The following SUMF1 variants were observed in gnomAD, a reference collection of about 807,000 sequenced individuals.
The protein encoded by SUMF1 is sulfatase modifying factor 1.
SUMF1 carries 48 observed loss-of-function variants against 47.6 expected under a neutral mutation model. The ratio of observed to expected loss-of-function variants is 1.01; its 90% CI spans 0.80 to 1.28. SUMF1 has a LOEUF of 1.28. SUMF1 is among the 50% of genes most tolerant of loss of function. SUMF1 has a pLI of 0.00. For missense variants in SUMF1, 571 were observed against 485.4 expected (o/e 1.18, Z -1.66); for synonymous variants, 230 against 192.1 (o/e 1.20, Z -1.63).
At chr3:4,374,888 A>G (rs793400) in intron 8 of SUMF1, among the ~76,000 whole-genome samples, 117,587 of 151,966 alleles carry the variant, frequency 0.77, 45,907 homozygotes, top group Non-Finnish European at 0.83. Flanking sequence ...TAGGCCGGGC[A>G]CAGTGGCTGA....
chr3:4,046,434 A>T (rs1378988077), intron 9 of SUMF1, among the ~76,000 whole-genome samples: 1 of 152,128 alleles, frequency 6.6e-6, no homozygotes, highest in Non-Finnish European at 1.5e-5. Context: ...ATAAAGATGG[A>T]AGTTTCCACT....
rs1269825850 is a variant in SUMF1, at chr3:4,313,970, G to C, written c.1014+62360C>G. ...CCCAGAATACTCACTTTCCTAGTTA[G>C]ATTTGTCTTAGTGACTGTTCTAGTT... On this transcript the variant is annotated intron_variant and NMD_transcript_variant, in intron 8 of 12. Coordinates refer to the SUMF1 transcript ENST00000448413. The C allele has an allele frequency of 5.5e-6, 5 of 917,402 alleles. No individual in the cohort carries two copies. The African/African-American group carries it at 8.4e-5, about 15-fold the overall frequency. The allele number at this position is 917,402 out of a possible 1,614,324, so 56.8% of individuals were successfully genotyped here. A position where few individuals can be genotyped will look rare whatever the true frequency, so the allele number is the denominator to read the frequency against.
In SUMF1 at chr3:4,467,180, C is replaced by G; in HGVS notation, c.66G>C (p.Leu22=). The change falls in exon 1 of 9, where the codon CTG becomes CTC. Residue 22 remains leucine (L), a synonymous_variant. Transcript: ENST00000272902. Reference sequence around the variant, plus strand: ...CTCCACACAGCAGCGAGAGCAGCAGCAGCAAGAGGACGAGACCCAGCTCAG... The same window carrying G: ...CTCCACACAGCAGCGAGAGCAGCAGGAGCAAGAGGACGAGACCCAGCTCAG... ...RCPELGLVLL[L]LLLSLLCGAA... 5 of 1,609,634 alleles carry G rather than the reference C, an allele frequency of 3.1e-6. No homozygotes were observed. Among genetic ancestry groups the G allele is most frequent in the Non-Finnish European group, 4.2e-6 (5 of 1,178,624 alleles).
intron 8 of SUMF1, among the ~76,000 whole-genome samples, chr3:4,234,503 G>A (rs61389820): frequency 6.6e-6 from 1 of 151,860 alleles, no homozygotes. Context: ...GCTCATTCAC[G>A]TATCCATTCA....
At chr3:4,308,858 T>C (rs555279123) in intron 8 of SUMF1, among the ~76,000 whole-genome samples, 16 of 152,312 alleles carry the variant, frequency 1.1e-4, no homozygotes, top group African/African-American at 3.6e-4. Flanking sequence ...TGCAAAATAT[T>C]TGAAGAGATT....
intron 8 of SUMF1, among the ~76,000 whole-genome samples, chr3:4,342,482 G>A (rs760075243): frequency 2.0e-5 from 3 of 152,182 alleles, no homozygotes; most frequent in Non-Finnish European, 4.4e-5. Context: ...TCAGTGAGCT[G>A]ATATCATGCC....
At chr3:4,305,721 C>A (rs1698165046) in intron 8 of SUMF1, among the ~76,000 whole-genome samples, 1 of 152,096 alleles carries the variant, frequency 6.6e-6, no homozygotes, top group Admixed American at 6.5e-5. Context: ...AATTAAAACT[C>A]CTCTGATGAG....
At chr3:4,142,662 T>C (rs928217806) in intron 8 of SUMF1, among the ~76,000 whole-genome samples, 1 of 151,988 alleles carries the variant, frequency 6.6e-6, no homozygotes, top group South Asian at 2.1e-4. Flanking sequence ...ATAGGTACCT[T>C]GGGAATCAGG....
intron 8 of SUMF1, among the ~76,000 whole-genome samples, chr3:4,372,284 G>C (rs1397239406): frequency 6.6e-6 from 1 of 152,120 alleles, no homozygotes. Context: ...CTGGGTCACA[G>C]AGTAAGATTC....
intron 9 of SUMF1, among the ~76,000 whole-genome samples, chr3:4,066,552 T>C (rs1034140168): frequency 6.6e-6 from 1 of 152,146 alleles, no homozygotes; most frequent in Non-Finnish European, 1.5e-5. Context: ...TCAAGGAAAC[T>C]GAAACTCACC....
At chr3:4,052,222 G>A (rs1429273900) in intron 9 of SUMF1, among the ~76,000 whole-genome samples, 5 of 152,074 alleles carry the variant, frequency 3.3e-5, no homozygotes, top group Non-Finnish European at 7.4e-5. Context: ...GGGCAAGGCA[G>A]CTCTCTTTGG....
intron 4 of SUMF1, among the ~76,000 whole-genome samples, chr3:4,418,931 G>A (rs1701806142): frequency 1.3e-5 from 2 of 152,154 alleles, no homozygotes; most frequent in Admixed American, 1.3e-4. Flanking sequence ...TTAAAAGTGG[G>A]CTACAAATTC....
chr3:4,439,247 G>A (rs184823346), intron 3 of SUMF1, among the ~76,000 whole-genome samples: 5 of 152,306 alleles, frequency 3.3e-5, no homozygotes, highest in Admixed American at 1.3e-4. Flanking sequence ...GTGAGGCCGG[G>A]TGTGGTGGCT....
intron 7 of SUMF1, among the ~76,000 whole-genome samples, chr3:4,386,254 A>T (rs1438352280): frequency 1.3e-5 from 2 of 152,196 alleles, no homozygotes; most frequent in African/African-American, 4.8e-5. Context: ...ATTCATGAGC[A>T]TTGTCTCTTC....
chr3:4,370,445 G>A (rs17040541), intron 8 of SUMF1, among the ~76,000 whole-genome samples: 2,350 of 152,212 alleles, frequency 0.015, 58 homozygotes, highest in African/African-American at 0.054. Context: ...ATAGGACTTA[G>A]GTTTTTGTTG....
At chr3:4,198,849 T>C (rs1176175293) in intron 8 of SUMF1, among the ~76,000 whole-genome samples, 1 of 151,798 alleles carries the variant, frequency 6.6e-6, no homozygotes, top group African/African-American at 2.4e-5. Context: ...AGAACCACCA[T>C]GAAGTATTCT....
At chr3:4,103,608 T>C (rs1693088457) in intron 8 of SUMF1, among the ~76,000 whole-genome samples, 1 of 152,260 alleles carries the variant, frequency 6.6e-6, no homozygotes, top group East Asian at 1.9e-4. Context: ...GCACAGTAAT[T>C]GCAGCTTGAC....
At chr3:4,195,869 A>C (rs1485271024) in intron 8 of SUMF1, among the ~76,000 whole-genome samples, 1 of 152,148 alleles carries the variant, frequency 6.6e-6, no homozygotes, top group Non-Finnish European at 1.5e-5. Flanking sequence ...TTATCTATGA[A>C]AAAACACCAA....
chr3:4,086,336 C>A (rs917727443), intron 8 of SUMF1, among the ~76,000 whole-genome samples: 12 of 152,128 alleles, frequency 7.9e-5, no homozygotes, highest in Middle Eastern at 3.4e-3. Flanking sequence ...TTATTTCAGT[C>A]CTTTGTGCCC....
Sources: gnomAD v4.1 joint callset for allele counts (sites outside exome capture counted in the v4.1 genomes callset) on GRCh38, gnomAD v4.1.1 for gene constraint, MANE v1.5 for transcripts, NCBI Gene and HGNC (gene_info 2026-07-23, HGNC 2026-07-21) for gene names.